The following ARFGEF1 variants were observed in gnomAD, a reference collection of about 807,000 sequenced individuals.
The protein encoded by ARFGEF1 is ARF guanine nucleotide exchange factor 1.
A neutral mutation model predicts 231.0 loss-of-function variants in ARFGEF1; 42 were observed. The ratio of observed to expected loss-of-function variants is 0.18; its 90% confidence interval spans 0.14 to 0.24. The LOEUF (loss-of-function observed/expected upper bound fraction) is 0.24. ARFGEF1 is among the 10% of genes least tolerant of loss of function. ARFGEF1 has a pLI of 1.00. For missense variants in ARFGEF1, 1,345 were observed against 2,192.0 expected (o/e 0.61, Z 7.72); for synonymous variants, 710 against 732.3 (o/e 0.97, Z 0.49).
At chr8:67,281,244 C>T (rs960077355) in intron 7 of ARFGEF1, among the ~76,000 whole-genome samples, 1 of 151,934 alleles carries the variant, frequency 6.6e-6, no homozygotes, top group African/African-American at 2.4e-5. Flanking sequence ...GAATATTCAA[C>T]ATCTGTATAG....
At chr8:67,326,147 G>C (rs1006105199) in intron 1 of ARFGEF1, among the ~76,000 whole-genome samples, 1 of 152,118 alleles carries the variant, frequency 6.6e-6, no homozygotes, top group South Asian at 2.1e-4. Context: ...GCAGTGAGCT[G>C]AGATTGTGCC....
chr8:67,274,298 G>A (rs1205060270), intron 9 of ARFGEF1, among the ~76,000 whole-genome samples: 1 of 148,528 alleles, frequency 6.7e-6, no homozygotes, highest in Non-Finnish European at 1.5e-5. Flanking sequence ...AGAAAATGAT[G>A]TAACTACGAA....
chr8:67,295,312 T>C (rs1405883652), intron 5 of ARFGEF1, among the ~76,000 whole-genome samples: 1 of 152,166 alleles, frequency 6.6e-6, no homozygotes, highest in African/African-American at 2.4e-5. Flanking sequence ...CAAAGATATT[T>C]ATTAATTGCA....
intron 1 of ARFGEF1, among the ~76,000 whole-genome samples, chr8:67,303,787 T>C (rs1461961466): frequency 2.6e-5 from 4 of 152,080 alleles, no homozygotes; most frequent in African/African-American, 7.2e-5. Context: ...TGCCTGAAAT[T>C]TGGAAAAAAG....
At chr8:67,341,425 CAA>C (rs1186065653) in intron 1 of ARFGEF1, among the ~76,000 whole-genome samples, 1,199 of 87,906 alleles carry the variant, frequency 0.014, 17 homozygotes, top group African/African-American at 0.045. Flanking sequence ...CCATCTCCAC[CAA>C]AAAAAAAAAA....
rs372629084 is a variant in ARFGEF1 at position 67,206,190 on chromosome 8, GC to G, written c.4820-1372del. On this transcript the variant is annotated intron_variant, in intron 34 of 38. Transcript: ENST00000262215. ...TTTGGGAGGCCAAGGCAGGTGGATT[GC>G]CTGAGGTCAGGAGTTCGAGACCAGG... is the stretch of plus-strand genomic sequence containing the variant. Among the ~76,000 whole-genome samples the G allele has an allele frequency of 4.0e-3, 611 of 152,022 alleles. 1 individual carries two copies. The highest frequency in any genetic ancestry group is 9.1e-3 in the South Asian group (44 of 4,820).
At chr8:67,188,050 CCTGCT>C (rs1835161527) in intron 5 of ARFGEF1, among the ~76,000 whole-genome samples, 1 of 152,112 alleles carries the variant, frequency 6.6e-6, no homozygotes, top group Admixed American at 6.5e-5. Context: ...AAATTTAAAA[CCTGCT>C]CTGCTCTATA....
At chr8:67,317,328 T>C (rs1405766355) in intron 1 of ARFGEF1, among the ~76,000 whole-genome samples, 1 of 152,102 alleles carries the variant, frequency 6.6e-6, no homozygotes, top group Non-Finnish European at 1.5e-5. Context: ...GTGCTTGTGG[T>C]CTGGAAACTC....
chr8:67,238,490 G>A lies in ARFGEF1; in HGVS notation c.3142C>T (p.Leu1048=). 6.3e-7 allele frequency: 1 copy of A among 1,585,168 alleles called. No homozygotes were observed. The highest frequency in any genetic ancestry group is 8.5e-7 in the Non-Finnish European group (1 of 1,172,948). ...AGCTCCAACTGACTGATGCACTTCA[G>A]AATCTTAATTACAAAAAGGAAAAAA... is the stretch of plus-strand genomic sequence containing the variant. ...NYLGNSWHEI[L]KCISQLELAQ... The change falls in exon 22 of 39, where the codon CTG becomes TTG. Residue 1048 remains leucine (L), a synonymous_variant. Coordinates refer to ENST00000262215, the MANE Select transcript of ARFGEF1 (RefSeq NM_006421.5).
At chr8:67,329,668 T>C (rs528828690) in intron 1 of ARFGEF1, among the ~76,000 whole-genome samples, 120 of 151,798 alleles carry the variant, frequency 7.9e-4, no homozygotes, top group Middle Eastern at 6.8e-3. Flanking sequence ...ATTTTTGTTT[T>C]CTTATACACT....
intron 5 of ARFGEF1, among the ~76,000 whole-genome samples, chr8:67,186,204 T>C (rs1834531095): frequency 6.6e-6 from 1 of 152,210 alleles, no homozygotes; most frequent in South Asian, 2.1e-4. Context: ...GTGAGAACTT[T>C]CCCTACTGTG....
At chr8:67,307,283 G>T (rs1476205677) in intron 1 of ARFGEF1, among the ~76,000 whole-genome samples, 1 of 152,132 alleles carries the variant, frequency 6.6e-6, no homozygotes, top group African/African-American at 2.4e-5. Flanking sequence ...AAATCATCTA[G>T]AAAGAGAATC....
chr8:67,287,094 T>C (rs1209874413), intron 7 of ARFGEF1, among the ~76,000 whole-genome samples: 2 of 152,204 alleles, frequency 1.3e-5, no homozygotes, highest in African/African-American at 2.4e-5. Context: ...AAAGGCCTAC[T>C]TGCAAGACTG....
intron 34 of ARFGEF1, among the ~76,000 whole-genome samples, chr8:67,205,954 G>A (rs771947974): frequency 6.6e-5 from 10 of 152,012 alleles, no homozygotes; most frequent in African/African-American, 9.7e-5. Context: ...TAACAGAACA[G>A]ATCCATGTGA....
downstream of ARFGEF1, among the ~76,000 whole-genome samples, chr8:67,194,065 G>A (rs1035583556): frequency 1.7e-5 from 2 of 118,094 alleles, no homozygotes; most frequent in African/African-American, 5.3e-5. Flanking sequence ...AAAGCTAGTC[G>A]TCTCCTCATT....
intron 23 of ARFGEF1, 84 bp from the exon 24 acceptor site, chr8:67,228,348 C>A: frequency 7.6e-7 from 1 of 1,321,518 alleles, no homozygotes; most frequent in Non-Finnish European, 1.1e-6. Flanking sequence ...GGGGTACTAG[C>A]TATTTTTATG....
chr8:67,197,431 A>G (rs1362528443), downstream of ARFGEF1, among the ~76,000 whole-genome samples: 1 of 152,208 alleles, frequency 6.6e-6, no homozygotes, highest in Non-Finnish European at 1.5e-5. Flanking sequence ...CCTGGACAAC[A>G]GAGTGAGATC....
chr8:67,258,849 ACAC>A (rs1563869879), intron 15 of ARFGEF1, among the ~76,000 whole-genome samples: 1 of 151,946 alleles, frequency 6.6e-6, no homozygotes, highest in Non-Finnish European at 1.5e-5. Flanking sequence ...ACACACACAC[ACAC>A]ACCAGTCATC....
rs1840375069 is a variant in ARFGEF1 at position 67,253,960 on chromosome 8, A to G, written c.2527-338T>C. 2.0e-5 allele frequency among the ~76,000 whole-genome samples: 3 copies of G among 152,354 alleles called. No individual in the cohort carries two copies. In the South Asian group the frequency reaches 6.2e-4, roughly 32 times the overall value. On this transcript the variant is annotated intron_variant, in intron 17 of 38. Coordinates refer to ENST00000262215, the MANE Select transcript of ARFGEF1 (RefSeq NM_006421.5). ...AAGGGCCATGACAATTATTGGAAATAAAGATATCAAAAACATTCAAATCTT... is the reference window on the plus strand; with the variant it reads ...AAGGGCCATGACAATTATTGGAAATGAAGATATCAAAAACATTCAAATCTT...
Sources: gnomAD v4.1 joint callset for allele counts (sites outside exome capture counted in the v4.1 genomes callset) on GRCh38, gnomAD v4.1.1 for gene constraint, MANE v1.5 for transcripts, NCBI Gene and HGNC (gene_info 2026-07-23, HGNC 2026-07-21) for gene names.